The following KLB variants were observed in gnomAD, a reference collection of about 807,000 sequenced individuals.
The protein encoded by KLB is beta-klotho.
A neutral mutation model predicts 88.4 loss-of-function variants in KLB; 44 were observed. The observed-to-expected ratio is 0.50, with a 90% confidence interval of 0.39 to 0.64. The LOEUF is 0.64. Among genes scored for constraint, KLB ranks in the 30% least tolerant of loss-of-function variants. The pLI, the probability that KLB is intolerant of heterozygous loss-of-function variation, is 0.00. For synonymous variants in KLB, 548 were observed against 513.4 expected, an observed-to-expected ratio of 1.07 and a Z score of -0.91; for missense variants, 1,137 against 1,304.8, an observed-to-expected ratio of 0.87 and a Z score of 1.98.
chr4:39,407,877 A>G (rs985388316), intron 1 of KLB, 103 bp downstream of exon 1: 2 of 648,552 alleles, frequency 3.1e-6, no homozygotes, highest in African/African-American at 3.6e-5. Context: ...AAGGCAACTG[A>G]TTTTAAGCTA....
At chr4:39,448,021 C>G (rs1359195498) in intron 4 of KLB, among the ~76,000 whole-genome samples, 1 of 152,176 alleles carries the variant, frequency 6.6e-6, no homozygotes, top group African/African-American at 2.4e-5. Flanking sequence ...AAGTGACAAC[C>G]TTCATTGCTC....
rs1743877019 is a variant in KLB at position 39,450,858 on chromosome 4, T to TA, written c.*2172_*2173insA. 1.3e-5 allele frequency: 1 copy of TA among 79,236 alleles called. No homozygotes were observed. Among genetic ancestry groups the TA allele is most frequent in the Non-Finnish European group, 2.8e-5 (1 of 35,606 alleles). 4.9% of individuals were successfully genotyped at this position (79,236 alleles called of 1,614,324 possible). A position where few individuals can be genotyped will look rare whatever the true frequency, so the allele number is the denominator to read the frequency against. On this transcript the variant is annotated 3_prime_UTR_variant, in exon 5 of 5. Transcript: ENST00000257408. ...TAACCTCTCTTTAACATCAAGGGCT[T>TA]GGGAAAAAAAAAAAAAAGGTTAGCC...
In KLB at chr4:39,448,501, G is replaced by C. The variant is rs1194137412; in HGVS notation, c.2950G>C (p.Glu984Gln). Residue 984 changes from glutamate (E) to glutamine (Q), a missense_variant, in exon 5 of 5, where the codon GAG (glutamate) becomes CAG (glutamine). By Grantham distance (29) the Glu-to-Gln change is conservative. Around this residue, in one of 4 missense-constraint regions of KLB, gnomAD observed 426 missense variants for 404.6 expected, o/e 1.05. Transcript: ENST00000257408. ...SRCSQTQENT[E>Q]CTVCLFLVQK... ...ATGCAGTCAGACCCAAGAAAATACA[G>C]AGTGCACTGTCTGCTTATTCCTTGT... The C allele has an allele frequency of 3.1e-5, 50 of 1,614,016 alleles. No homozygotes were observed. In the Admixed American group the frequency reaches 8.0e-4, roughly 26 times the overall value.
chr4:39,415,776 A>G (rs949516050), intron 1 of KLB, among the ~76,000 whole-genome samples: 1 of 152,138 alleles, frequency 6.6e-6, no homozygotes, highest in Non-Finnish European at 1.5e-5. Context: ...ATGATGAAAT[A>G]ATTTTTTAAA....
intron 3 of KLB, among the ~76,000 whole-genome samples, chr4:39,443,758 CAAAA>C (rs56820388): frequency 0.01 from 1,119 of 111,066 alleles, 9 homozygotes; most frequent in Middle Eastern, 0.027. Flanking sequence ...GAGACTTTGT[CAAAA>C]AAAAAAAAAA....
At chr4:39,445,664 C>T (rs1203088507) in intron 3 of KLB, among the ~76,000 whole-genome samples, 1 of 146,654 alleles carries the variant, frequency 6.8e-6, no homozygotes, top group Non-Finnish European at 1.5e-5. Flanking sequence ...GCCTCCACGC[C>T]TGGCTAATCT....
chr4:39,427,413 G>A (rs1743242390), intron 1 of KLB, among the ~76,000 whole-genome samples: 1 of 150,424 alleles, frequency 6.6e-6, no homozygotes, highest in South Asian at 2.1e-4. Flanking sequence ...AACCCAGGAG[G>A]CAGAGGCTGC....
intron 1 of KLB, among the ~76,000 whole-genome samples, chr4:39,413,885 C>T (rs1578201034): frequency 6.6e-6 from 1 of 152,086 alleles, no homozygotes; most frequent in Admixed American, 6.6e-5. Flanking sequence ...ATACTGTTTA[C>T]ATAGTACAAA....
At position 39,407,368 on chromosome 4, in the gene KLB, C is replaced by G. The variant is rs1352494957; in HGVS notation, c.419C>G (p.Ala140Gly). 13 of 1,614,004 alleles carry G rather than the reference C, an allele frequency of 8.1e-6. No homozygotes were observed. Among genetic ancestry groups the G allele is most frequent in the Non-Finnish European group, 1.0e-5 (12 of 1,179,978 alleles). Residue 140 changes from alanine (A) to glycine (G), a missense_variant, in exon 1 of 5, where the codon GCC (alanine) becomes GGC (glycine). Transcript: ENST00000257408. The stretch of plus-strand genomic sequence containing the variant: ...ATTTTTCTGGAAAAAGACTTATCAG[C>G]CCTGGATTTTATAGGAGTTTCTTTT... ...SYIFLEKDLSALDFIGVSFYQ... is the reference protein window; with the variant it reads ...SYIFLEKDLSGLDFIGVSFYQ...
At chr4:39,428,051 G>A (rs1368758728) in intron 1 of KLB, among the ~76,000 whole-genome samples, 1 of 152,168 alleles carries the variant, frequency 6.6e-6, no homozygotes, top group Non-Finnish European at 1.5e-5. Context: ...AGCTGTCAAT[G>A]TTTTATATCC....
At chr4:39,433,471 T>A (rs543526708) in intron 1 of KLB, among the ~76,000 whole-genome samples, 2 of 152,250 alleles carry the variant, frequency 1.3e-5, no homozygotes, top group South Asian at 2.1e-4. Context: ...CCCTAGGAGG[T>A]GGGCTCTATT....
intron 1 of KLB, among the ~76,000 whole-genome samples, chr4:39,426,979 G>A (rs1743232343): frequency 2.6e-5 from 4 of 152,240 alleles, no homozygotes; most frequent in South Asian, 4.2e-4. Context: ...GTGAGCCACA[G>A]CATCCAATAA....
At chr4:39,415,542 A>G (rs1742947671) in intron 1 of KLB, among the ~76,000 whole-genome samples, 1 of 152,130 alleles carries the variant, frequency 6.6e-6, no homozygotes, top group African/African-American at 2.4e-5. Flanking sequence ...AAGTCATAAA[A>G]TGCTTGTCCT....
At chr4:39,443,270 C>A (rs970429245) in intron 3 of KLB, among the ~76,000 whole-genome samples, 2 of 151,938 alleles carry the variant, frequency 1.3e-5, no homozygotes, top group African/African-American at 4.8e-5. Flanking sequence ...CTCCTGTAAT[C>A]CCAGCACTTT....
intron 3 of KLB, among the ~76,000 whole-genome samples, chr4:39,439,849 G>A (rs1743559045): frequency 6.6e-6 from 1 of 152,044 alleles, no homozygotes; most frequent in Non-Finnish European, 1.5e-5. Context: ...TGTATCATTA[G>A]TAGAGACGGG....
At chr4:39,413,463 A>G (rs1448836450) in intron 1 of KLB, among the ~76,000 whole-genome samples, 1 of 152,088 alleles carries the variant, frequency 6.6e-6, no homozygotes, top group East Asian at 1.9e-4. Flanking sequence ...TAATCCTAGC[A>G]CTTTGGGAAA....
At chr4:39,448,222 T>C (rs1429943203) in intron 4 of KLB, 79 bp from the exon 5 acceptor site, 2 of 1,132,558 alleles carry the variant, frequency 1.8e-6, no homozygotes, top group Non-Finnish European at 2.5e-6. Context: ...TTTTAGCTTG[T>C]TTCAATGAAA....
chr4:39,428,178 G>C (rs918494812), intron 1 of KLB, among the ~76,000 whole-genome samples: 3 of 152,206 alleles, frequency 2.0e-5, no homozygotes, highest in African/African-American at 7.2e-5. Flanking sequence ...TGTAACCCCA[G>C]CATTTTGAGA....
At position 39,407,406 on chromosome 4, in the gene KLB, A is replaced by G. The variant is rs1346520931; in HGVS notation, c.457A>G (p.Ile153Val). ...FIGVSFYQFS[I>V]SWPRLFPDGI... ...AGGAGTTTCTTTTTATCAATTTTCA[A>G]TTTCCTGGCCAAGGCTTTTCCCCGA... Residue 153 changes from isoleucine (I) to valine (V), a missense_variant, in exon 1 of 5, where the codon ATT becomes GTT. Transcript: ENST00000257408. The G allele has an allele frequency of 1.9e-6, 3 of 1,613,638 alleles. No individual in the cohort carries two copies. The highest frequency in any genetic ancestry group is 2.5e-6 in the Non-Finnish European group (3 of 1,179,926).
Sources: gnomAD v4.1 joint callset for allele counts (sites outside exome capture counted in the v4.1 genomes callset) on GRCh38, gnomAD v4.1.1 for gene constraint, gnomAD v4.1.1 regional missense constraint, MANE v1.5 for transcripts, NCBI Gene and HGNC (gene_info 2026-07-23, HGNC 2026-07-21) for gene names.